Variants in SLC6A16 observed in about 807,000 individuals in gnomAD.
The protein encoded by SLC6A16 is solute carrier family 6 member 16.
SLC6A16 carries 54 observed loss-of-function variants against 65.4 expected under a neutral mutation model. The ratio of observed to expected loss-of-function variants is 0.83; its 90% CI spans 0.66 to 1.04. The LOEUF (loss-of-function observed/expected upper bound fraction) is 1.04. Among genes scored for constraint, SLC6A16 ranks in the 50% least tolerant of loss-of-function variants. SLC6A16 has a pLI of 0.00. For missense variants in SLC6A16, 816 were observed against 914.0 expected (o/e 0.89, Z 1.38); for synonymous variants, 330 against 346.5 (o/e 0.95, Z 0.53).
At chr19:49,339,255 G>T in the SLC6A16 span, 2 of 1,336,650 alleles carry the variant, frequency 1.5e-6, no homozygotes, top group Non-Finnish European at 2.1e-6. This position sits in a 1 kb window ranked among gnomAD's most constrained non-coding sequence, Gnocchi z 4.5. Flanking sequence ...GGTGAGGGTT[G>T]GCCTGAAAAG....
chr19:49,292,764 C>T lies in SLC6A16; in HGVS notation c.1778+459G>A, dbSNP rs1023771770. Among the ~76,000 whole-genome samples the T allele has an allele frequency of 3.9e-5, 6 of 152,150 alleles. No homozygotes were observed. Among genetic ancestry groups the T allele is most frequent in the Non-Finnish European group, 8.8e-5 (6 of 68,032 alleles). ...TTACTCAAAATCTTGTCATGACTCCCTCCCTCCTATCATTCAGGAGTCTGC... is the reference window on the plus strand; with the variant it reads ...TTACTCAAAATCTTGTCATGACTCCTTCCCTCCTATCATTCAGGAGTCTGC... On this transcript the variant is annotated intron_variant, in intron 10 of 11. Transcript: ENST00000335875. This position sits in a 1 kb window ranked among gnomAD's most constrained non-coding sequence, Gnocchi z 4.3.
At chr19:49,297,096 GTCT>G (rs1357717417) in intron 7 of SLC6A16, among the ~76,000 whole-genome samples, 1 of 152,132 alleles carries the variant, frequency 6.6e-6, no homozygotes, top group Non-Finnish European at 1.5e-5. Context: ...TCAAAATTAT[GTCT>G]TTTCATCAAA....
rs749393679 is a variant in SLC6A16 at position 49,290,273 on chromosome 19, G to A, written c.2061C>T (p.Pro687=). The change falls in exon 12 of 12, where the codon CCC becomes CCT. Residue 687 remains proline, a synonymous_variant. Coordinates refer to ENST00000335875, the MANE Select transcript of SLC6A16 (RefSeq NM_014037.3). ...YFVYCRIHRI[P]FRPKSGDGPM... ...GCCCGTCTCCGCTCTTGGGCCTGAA[G>A]GGAATCCTATGTATGCGGCAGTATA... The A allele has an allele frequency of 1.9e-6, 3 of 1,614,164 alleles. No individual in the cohort carries two copies. Among genetic ancestry groups the A allele is most frequent in the Non-Finnish European group, 2.5e-6 (3 of 1,180,042 alleles).
chr19:49,309,033 C>T lies in SLC6A16; in HGVS notation c.1072G>A (p.Ala358Thr), dbSNP rs199795374. 6.2e-7 allele frequency: 1 copy of T among 1,614,198 alleles called. No individual in the cohort carries two copies. Among genetic ancestry groups the T allele is most frequent in the Non-Finnish European group, 8.5e-7 (1 of 1,180,028 alleles). ...SNTGIGLGSV[A>T]SLASYMPQSN... Reference sequence around the variant, plus strand: ...TGGGGCATGTAGGAGGCTAAGGAGGCAACGGAGCCAAGGCCTATGCCTGTG... The same window carrying T: ...TGGGGCATGTAGGAGGCTAAGGAGGTAACGGAGCCAAGGCCTATGCCTGTG... Residue 358 changes from alanine to threonine, a missense_variant, in exon 7 of 12, where the codon GCC becomes ACC. Ala to Thr is a moderately conservative substitution (Grantham distance 58, BLOSUM62 0). Coordinates refer to ENST00000335875, the MANE Select transcript of SLC6A16 (RefSeq NM_014037.3).
At chr19:49,315,621 G>T (rs913879966) in intron 1 of SLC6A16, among the ~76,000 whole-genome samples, 1 of 152,068 alleles carries the variant, frequency 6.6e-6, no homozygotes, top group African/African-American at 2.4e-5. Context: ...CAGTAGAGAT[G>T]ATTCAAAGCA....
intron 1 of SLC6A16, among the ~76,000 whole-genome samples, chr19:49,314,052 C>A (rs1970574144): frequency 6.6e-6 from 1 of 150,962 alleles, no homozygotes; most frequent in Non-Finnish European, 1.5e-5. Flanking sequence ...GCTGAGATCA[C>A]GCCACTACAC....
chr19:49,338,773 C>G, the SLC6A16 span: 2 of 1,613,690 alleles, frequency 1.2e-6, no homozygotes, highest in Non-Finnish European at 1.7e-6. The surrounding 1 kb of genome is among the most constrained non-coding windows in gnomAD (Gnocchi z 5.0). Flanking sequence ...GGGTCGGAGG[C>G]GCACCGCGTG....
intron 7 of SLC6A16, among the ~76,000 whole-genome samples, chr19:49,307,026 G>A (rs976771854): frequency 7.2e-5 from 6 of 83,420 alleles, no homozygotes; most frequent in South Asian, 4.4e-4. Context: ...TTCACGGTTC[G>A]TTACACAGTG....
chr19:49,337,485 G>C, the SLC6A16 span: 14 of 623,844 alleles, frequency 2.2e-5, no homozygotes, highest in Non-Finnish European at 3.4e-5. Flanking sequence ...ATCCGGGTGT[G>C]ATGGTGTGCA....
At chr19:49,337,795 G>C in the SLC6A16 span, 2 of 1,551,272 alleles carry the variant, frequency 1.3e-6, no homozygotes. Context: ...GAAGTACACA[G>C]AGCTAGCCAT....
chr19:49,300,549 G>A (rs1970269317), intron 7 of SLC6A16, among the ~76,000 whole-genome samples: 2 of 151,262 alleles, frequency 1.3e-5, no homozygotes, highest in South Asian at 4.2e-4. Context: ...CCAGACTAGT[G>A]GAGGAAAAAA....
intron 7 of SLC6A16, among the ~76,000 whole-genome samples, chr19:49,297,729 A>G (rs990346524): frequency 2.0e-5 from 3 of 152,210 alleles, no homozygotes; most frequent in South Asian, 2.1e-4. Context: ...ATTGTGGTAT[A>G]ATCATAAAAT....
the SLC6A16 span, chr19:49,339,314 T>G: frequency 2.4e-4 from 380 of 1,611,062 alleles, no homozygotes; most frequent in Non-Finnish European, 2.9e-4. This position sits in a 1 kb window ranked among gnomAD's most constrained non-coding sequence, Gnocchi z 4.5. Context: ...CTTTAACTTT[T>G]CCCTACACCC....
intron 7 of SLC6A16, among the ~76,000 whole-genome samples, chr19:49,304,263 T>G (rs2146106212): frequency 6.6e-6 from 1 of 152,304 alleles, no homozygotes; most frequent in South Asian, 2.1e-4. Flanking sequence ...GTTCTCACAC[T>G]TGTATGTCTG....
intron 1 of SLC6A16, among the ~76,000 whole-genome samples, chr19:49,324,518 G>A (rs987147252): frequency 6.6e-6 from 1 of 152,024 alleles, no homozygotes; most frequent in Non-Finnish European, 1.5e-5. Context: ...ACCCTCCATG[G>A]TGCCCCTACA....
At chr19:49,331,807 C>T in the SLC6A16 span, 3 of 457,160 alleles carry the variant, frequency 6.6e-6, no homozygotes, top group African/African-American at 4.0e-5. Flanking sequence ...GCAAGGAGAC[C>T]TGGGAAATGA....
At chr19:49,337,264 G>T in the SLC6A16 span, 2 of 1,575,044 alleles carry the variant, frequency 1.3e-6, no homozygotes, top group South Asian at 1.1e-5. Context: ...CAGCAGGGAG[G>T]AGAGGGAAGG....
chr19:49,335,305 TG>T, the SLC6A16 span: 1 of 554,878 alleles, frequency 1.8e-6, no homozygotes, highest in Non-Finnish European at 3.2e-6. This position sits in a 1 kb window ranked among gnomAD's most constrained non-coding sequence, Gnocchi z 4.6. Context: ...TACCAGAGCA[TG>T]TGTCCCAGTG....
chr19:49,328,830 A>T (rs1970822272), upstream of SLC6A16, among the ~76,000 whole-genome samples: 1 of 152,216 alleles, frequency 6.6e-6, no homozygotes, highest in Admixed American at 6.5e-5. Flanking sequence ...CTGTAAAGGA[A>T]GCCAGTCACC....
Sources: allele counts gnomAD v4.1 joint callset (sites outside exome capture counted in the v4.1 genomes callset), GRCh38; gene constraint gnomAD v4.1.1; non-coding constraint Gnocchi (gnomAD v3.1); transcripts MANE v1.5; gene names NCBI Gene and HGNC (gene_info 2026-07-23, HGNC 2026-07-21).